HYDIN: variants seen among roughly 807,000 people sequenced by gnomAD.
The protein encoded by HYDIN is HYDIN axonemal central pair apparatus protein.
In HYDIN, 132 loss-of-function variants were observed where a neutral mutation model predicts 403.9. That is an observed-to-expected ratio of 0.33 (90% CI 0.28 to 0.38). The LOEUF (loss-of-function observed/expected upper bound fraction) is 0.38, where lower values mean the gene tolerates loss of function less well. Among genes scored for constraint, HYDIN ranks in the 10% least tolerant of loss-of-function variants. The pLI, the probability that HYDIN is intolerant of heterozygous loss-of-function variation, is 1.00. For synonymous variants in HYDIN, 1,202 were observed against 1,891.7 expected, an observed-to-expected ratio of 0.64 and a Z score of 9.46; for missense variants, 2,827 against 5,009.5, an observed-to-expected ratio of 0.56 and a Z score of 13.15.
intron 37 of HYDIN, among the ~76,000 whole-genome samples, chr16:70,962,533 G>A (rs1383289995): frequency 1.3e-5 from 2 of 152,168 alleles, no homozygotes; most frequent in Non-Finnish European, 2.9e-5. Context: ...ATTTTTAATT[G>A]TTTGAAACTA....
At chr16:70,998,132 G>C (rs566891116) in intron 23 of HYDIN, among the ~76,000 whole-genome samples, 2 of 152,112 alleles carry the variant, frequency 1.3e-5, no homozygotes, top group Admixed American at 6.5e-5. Flanking sequence ...ATTATGTTTC[G>C]GGTACTTTGT....
chr16:70,991,764 G>A lies in HYDIN; in HGVS notation c.3785+306C>T, dbSNP rs987674244. ...CCTATTTATTGGAGCATTTTATTGT[G>A]AGGACATAATGTTTGGTGAATTGAT... On this transcript the variant is annotated intron_variant, in intron 24 of 85. Transcript: ENST00000393567. Among the ~76,000 whole-genome samples, 41 of 151,730 alleles carry A rather than the reference G, an allele frequency of 2.7e-4. No individual in the cohort carries two copies. The South Asian group carries it at 8.4e-3, about 31-fold the overall frequency.
Position 70,955,174 on chromosome 16 carries a change from C to T in HYDIN, c.6316+201G>A, listed in dbSNP as rs570054335. 7.9e-5 allele frequency among the ~76,000 whole-genome samples: 12 copies of T among 152,152 alleles called. No individual in the cohort carries two copies. In the South Asian group the frequency reaches 1.7e-3, roughly 21 times the overall value. On this transcript the variant is annotated intron_variant, in intron 40 of 85. Coordinates refer to ENST00000393567, the MANE Select transcript of HYDIN (RefSeq NM_001270974.2). ...CCTGGTCCCCACAGTGGCAAGAGCA[C>T]GCTGGCATTGGGCAGGGCAGGAGAC...
At chr16:71,120,695 C>T (rs1239516439) in intron 9 of HYDIN, among the ~76,000 whole-genome samples, 1 of 151,560 alleles carries the variant, frequency 6.6e-6, no homozygotes, top group Non-Finnish European at 1.5e-5. Flanking sequence ...TCCTTTCCTT[C>T]GTTTCTCCCT....
At position 71,048,404 on chromosome 16, in the gene HYDIN, A is replaced by T. The variant is rs976248628; in HGVS notation, c.2529+12100T>A. ...GGATAGTTCTATTTTTAGTTTTTTG[A>T]GCAGTCTCCATATTATTTTCAATAG... On this transcript the variant is annotated intron_variant, in intron 18 of 85. Coordinates refer to ENST00000393567, the MANE Select transcript of HYDIN (RefSeq NM_001270974.2). Among the ~76,000 whole-genome samples the T allele has an allele frequency of 1.5e-4, 19 of 129,032 alleles. 1 individual carries two copies. Among genetic ancestry groups the T allele is most frequent in the Admixed American group, 2.3e-4 (3 of 13,036 alleles). The allele number at this position is 129,032 out of a possible 152,430, so 84.7% of individuals were successfully genotyped here. A position where few individuals can be genotyped will look rare whatever the true frequency, so the allele number is the denominator to read the frequency against.
At chr16:71,120,770 T>G (rs2084227312) in intron 9 of HYDIN, among the ~76,000 whole-genome samples, 1 of 151,496 alleles carries the variant, frequency 6.6e-6, no homozygotes, top group Non-Finnish European at 1.5e-5. Flanking sequence ...AAAACCAAAG[T>G]GCAAGAACAG....
chr16:71,186,860 AG>A lies in HYDIN; in HGVS notation c.35del (p.Ala12ValfsTer21). ...TSRRLEESMG[A>X]VQMGLVNMFK... ...ACATATTGACCAATCCCATCTGAAC[AG>A]CCCCCATGGACTCCTCAAGTCTTCT... On this transcript the variant is annotated frameshift_variant, in exon 2 of 86. Transcript: ENST00000393567. LOFTEE classifies it high-confidence loss of function. 6.2e-7 allele frequency: 1 copy of A among 1,613,112 alleles called. No individual in the cohort carries two copies. The highest frequency in any genetic ancestry group is 2.2e-5 in the East Asian group (1 of 44,842).
At chr16:71,185,082 G>A in intron 2 of HYDIN, 92 bp from the exon 3 acceptor site, 1 of 809,788 alleles carries the variant, frequency 1.2e-6, no homozygotes, top group Non-Finnish European at 1.8e-6. Flanking sequence ...ATTTGTGTTT[G>A]CAGCTTTCAG....
At chr16:71,146,202 T>C (rs1410670548) in intron 7 of HYDIN, among the ~76,000 whole-genome samples, 2 of 152,088 alleles carry the variant, frequency 1.3e-5, no homozygotes, top group African/African-American at 4.8e-5. Context: ...AGTAAAAGGG[T>C]TGACTATGCT....
intron 75 of HYDIN, among the ~76,000 whole-genome samples, chr16:70,844,431 G>A (rs1279623945): frequency 2.7e-5 from 4 of 147,754 alleles, no homozygotes; most frequent in Non-Finnish European, 4.4e-5. Context: ...GTACCATGCT[G>A]TTTTGGTTAC....
intron 66 of HYDIN, among the ~76,000 whole-genome samples, chr16:70,866,834 G>T (rs1400363760): frequency 6.6e-6 from 1 of 151,962 alleles, no homozygotes; most frequent in Non-Finnish European, 1.5e-5. Flanking sequence ...AGACCAGCCT[G>T]GCCAACATGG....
intron 1 of HYDIN, among the ~76,000 whole-genome samples, chr16:71,214,919 GCT>G (rs1173228422): frequency 7.2e-5 from 11 of 152,118 alleles, no homozygotes; most frequent in Admixed American, 5.2e-4. Context: ...CTAGACTCAG[GCT>G]CTGTCTCCTT....
At chr16:70,925,382 G>A (rs2077120798) in intron 45 of HYDIN, among the ~76,000 whole-genome samples, 1 of 152,196 alleles carries the variant, frequency 6.6e-6, no homozygotes, top group Non-Finnish European at 1.5e-5. Flanking sequence ...TATTAAATAG[G>A]GAATCCTTTC....
intron 23 of HYDIN, among the ~76,000 whole-genome samples, chr16:70,996,697 A>G (rs1470800188): frequency 6.6e-6 from 1 of 151,406 alleles, no homozygotes; most frequent in Non-Finnish European, 1.5e-5. Context: ...CTCTTCTTGG[A>G]TGCATACAGA....
intron 40 of HYDIN, among the ~76,000 whole-genome samples, chr16:70,953,090 T>TG (rs1056748159): frequency 2.0e-5 from 3 of 147,782 alleles, no homozygotes; most frequent in African/African-American, 7.5e-5. Flanking sequence ...AGGAGAGATG[T>TG]GAGGGCCTAA....
intron 21 of HYDIN, among the ~76,000 whole-genome samples, chr16:71,022,944 C>A (rs2080550914): frequency 6.6e-6 from 1 of 151,742 alleles, no homozygotes; most frequent in African/African-American, 2.4e-5. Flanking sequence ...GCACTACCCA[C>A]ACATTTTTAT....
At chr16:70,855,998 G>C (rs2039000461) in intron 72 of HYDIN, among the ~76,000 whole-genome samples, 1 of 151,284 alleles carries the variant, frequency 6.6e-6, no homozygotes, top group Non-Finnish European at 1.5e-5. Flanking sequence ...GATTAAATTT[G>C]CATTTAATTT....
rs367740257 is a variant in HYDIN, at chr16:71,012,908, C to T, written c.3644+5221G>A. ...TTATGCCTGGAACCTTTCTCTTTGG[C>T]GGGTGCCAGGAAGCTGAGAGAGAGG... is the stretch of plus-strand genomic sequence containing the variant. On this transcript the variant is annotated intron_variant, in intron 23 of 85. Transcript: ENST00000393567. Among the ~76,000 whole-genome samples, 228 of 140,036 alleles carry T rather than the reference C, an allele frequency of 1.6e-3. 1 individual carries two copies. Among genetic ancestry groups the T allele is most frequent in the Middle Eastern group, 3.7e-3 (1 of 272 alleles). The allele number at this position is 140,036 out of a possible 152,430, so 91.9% of individuals were successfully genotyped here.
rs114079811 is a variant in HYDIN at position 70,806,938 on chromosome 16, G to C, written c.*642C>G. On this transcript the variant is annotated 3_prime_UTR_variant, in exon 86 of 86. Transcript: ENST00000393567. Reference sequence around the variant, plus strand: ...ATCCAAGGCGGGGTGTGTATGTGTGGTGGGGGGAGCTGGGATCTCTATTAG... The same window carrying C: ...ATCCAAGGCGGGGTGTGTATGTGTGCTGGGGGGAGCTGGGATCTCTATTAG... Among the ~76,000 whole-genome samples the C allele has an allele frequency of 6.6e-6, 1 of 152,060 alleles. No individual in the cohort carries two copies. The highest frequency in any genetic ancestry group is 1.5e-5 in the Non-Finnish European group (1 of 68,020).
Sources: gnomAD v4.1 joint callset for allele counts (sites outside exome capture counted in the v4.1 genomes callset) on GRCh38, gnomAD v4.1.1 for gene constraint, MANE v1.5 for transcripts, NCBI Gene and HGNC (gene_info 2026-07-23, HGNC 2026-07-21) for gene names.